Variants in TSHZ2 observed in about 807,000 individuals in gnomAD.
TSHZ2 encodes the protein teashirt zinc finger homeobox 2.
In TSHZ2, 21 loss-of-function variants were observed where a neutral mutation model predicts 74.4. The ratio of observed to expected loss-of-function variants is 0.28; its 90% confidence interval spans 0.20 to 0.41. The LOEUF (loss-of-function observed/expected upper bound fraction) is 0.41. Among genes scored for constraint, TSHZ2 ranks in the 10% least tolerant of loss-of-function variants. The probability of loss-of-function intolerance (pLI) is 1.00; values close to 1 mark genes in which losing one functional copy is unlikely to be tolerated. For missense variants in TSHZ2, 1,244 were observed against 1,293.5 expected, an observed-to-expected ratio of 0.96 and a Z score of 0.59; for synonymous variants, 540 against 515.3, an observed-to-expected ratio of 1.05 and a Z score of -0.65.
chr20:53,263,785 C>T (rs1248039355), intron 2 of TSHZ2, among the ~76,000 whole-genome samples: 2 of 152,178 alleles, frequency 1.3e-5, no homozygotes, highest in African/African-American at 4.8e-5. Context: ...TGGGCTCTAA[C>T]ATGAGTGCCA....
rs1267627634 is a variant in TSHZ2, at chr20:53,489,106, A to G, written c.*1971A>G. 1 of 456,270 alleles carries G rather than the reference A, an allele frequency of 2.2e-6. No individual in the cohort carries two copies. Among genetic ancestry groups the G allele is most frequent in the Non-Finnish European group, 4.4e-6 (1 of 226,964 alleles). 28.3% of individuals were successfully genotyped at this position (456,270 alleles called of 1,614,324 possible). ...GTCAGCACTCATCCATCAATCAATC[A>G]CCCACAAGGAAAAATAGCAACAGTA... is the stretch of plus-strand genomic sequence containing the variant. On this transcript the variant is annotated 3_prime_UTR_variant, in exon 3 of 3. Transcript: ENST00000371497.
At chr20:53,270,924 C>G (rs1381476794) in intron 2 of TSHZ2, among the ~76,000 whole-genome samples, 1 of 152,174 alleles carries the variant, frequency 6.6e-6, no homozygotes, top group East Asian at 1.9e-4. Context: ...CCCCCTCCCC[C>G]TGTACTTGCG....
chr20:53,226,119 A>AACACAC lies in TSHZ2; in HGVS notation c.41-27344_41-27339dup, dbSNP rs11470731. Among the ~76,000 whole-genome samples the AACACAC allele has an allele frequency of 3.1e-3, 463 of 147,638 alleles. 6 individuals carry two copies. Among genetic ancestry groups the AACACAC allele is most frequent in the South Asian group, 0.018 (80 of 4,498 alleles). ...AGAAGATGGCTCACAGACTAAATTT[A>AACACAC]ACACACACACACACACACACACACA... On this transcript the variant is annotated intron_variant, in intron 1 of 2. Coordinates refer to ENST00000371497, the MANE Select transcript of TSHZ2 (RefSeq NM_173485.6).
intron 2 of TSHZ2, among the ~76,000 whole-genome samples, chr20:53,389,100 T>C (rs557357229): frequency 5.9e-5 from 9 of 152,342 alleles, no homozygotes; most frequent in Non-Finnish European, 1.2e-4. Flanking sequence ...TGTGTGACCT[T>C]TTCCTCATCA....
At chr20:53,400,750 G>A (rs1052685100) in intron 2 of TSHZ2, among the ~76,000 whole-genome samples, 1 of 152,122 alleles carries the variant, frequency 6.6e-6, no homozygotes, top group Non-Finnish European at 1.5e-5. Context: ...CATCTAATGA[G>A]TTCATCTCAA....
chr20:53,109,244 G>A (rs937767042), intron 1 of TSHZ2, among the ~76,000 whole-genome samples: 7 of 152,192 alleles, frequency 4.6e-5, no homozygotes, highest in Admixed American at 2.6e-4. Context: ...ATGAGTTAGA[G>A]CTAAAGCTCT....
At chr20:53,392,977 C>T (rs1004528604) in intron 2 of TSHZ2, among the ~76,000 whole-genome samples, 2 of 152,128 alleles carry the variant, frequency 1.3e-5, no homozygotes, top group African/African-American at 4.8e-5. Flanking sequence ...GGGATTACCG[C>T]ATGCACCACC....
At chr20:53,143,881 G>C (rs1698026989) in intron 1 of TSHZ2, among the ~76,000 whole-genome samples, 1 of 152,058 alleles carries the variant, frequency 6.6e-6, no homozygotes, top group Non-Finnish European at 1.5e-5. Flanking sequence ...TGGGAGCCCG[G>C]AGTTTTATTG....
At chr20:53,132,323 T>C (rs1987127207) in intron 1 of TSHZ2, among the ~76,000 whole-genome samples, 1 of 151,720 alleles carries the variant, frequency 6.6e-6, no homozygotes, top group South Asian at 2.1e-4. Flanking sequence ...ATTTTTTTTT[T>C]TTTTTTGAGA....
chr20:52,984,910 C>T (rs1181562425), intron 1 of TSHZ2, among the ~76,000 whole-genome samples: 1 of 152,174 alleles, frequency 6.6e-6, no homozygotes, highest in Non-Finnish European at 1.5e-5. Context: ...ACTAGGTTAG[C>T]CATGAATATT....
chr20:53,388,902 G>A (rs1281629218), intron 2 of TSHZ2, among the ~76,000 whole-genome samples: 2 of 152,014 alleles, frequency 1.3e-5, no homozygotes, highest in Non-Finnish European at 2.9e-5. Flanking sequence ...AGTTTCAAGG[G>A]CCAGCTTAAA....
chr20:53,473,435 T>A (rs80273607), intron 2 of TSHZ2, among the ~76,000 whole-genome samples: 1 of 130,184 alleles, frequency 7.7e-6, no homozygotes, highest in Non-Finnish European at 1.6e-5. Context: ...AACAGACCTG[T>A]GGCTGAGGGT....
At chr20:53,133,989 C>A (rs1026442233) in intron 1 of TSHZ2, among the ~76,000 whole-genome samples, 1 of 101,652 alleles carries the variant, frequency 9.8e-6, no homozygotes, top group Non-Finnish European at 2.1e-5. Flanking sequence ...AAAAAATAGG[C>A]CACGTTTCAT....
chr20:53,344,041 C>T (rs1366835178), intron 2 of TSHZ2, among the ~76,000 whole-genome samples: 3 of 152,140 alleles, frequency 2.0e-5, no homozygotes, highest in Non-Finnish European at 4.4e-5. Context: ...TTCTTGTTCT[C>T]AAGCAAAATT....
intron 1 of TSHZ2, among the ~76,000 whole-genome samples, chr20:53,005,075 G>A (rs1056681617): frequency 6.6e-6 from 1 of 152,162 alleles, no homozygotes; most frequent in Non-Finnish European, 1.5e-5. Context: ...CACTTTGGGA[G>A]GCCGAGGCCA....
At chr20:53,051,450 G>GGC (rs1984457916) in intron 1 of TSHZ2, among the ~76,000 whole-genome samples, 7 of 93,324 alleles carry the variant, frequency 7.5e-5, no homozygotes, top group Admixed American at 5.7e-4. Context: ...ATTACTCTGT[G>GGC]GCGCACGCAC....
chr20:53,265,757 T>A (rs1189446336), intron 2 of TSHZ2, among the ~76,000 whole-genome samples: 1 of 152,226 alleles, frequency 6.6e-6, no homozygotes, highest in East Asian at 1.9e-4. Flanking sequence ...AGGTTTTACA[T>A]ACACATAAGT....
At chr20:53,280,756 G>C (rs905742875) in intron 2 of TSHZ2, among the ~76,000 whole-genome samples, 1 of 151,794 alleles carries the variant, frequency 6.6e-6, no homozygotes, top group Non-Finnish European at 1.5e-5. Context: ...ACAGTGGCGC[G>C]ATCTCAGCTC....
intron 1 of TSHZ2, among the ~76,000 whole-genome samples, chr20:53,247,260 C>T (rs1319473020): frequency 2.0e-5 from 3 of 152,178 alleles, no homozygotes; most frequent in Admixed American, 6.5e-5. Context: ...TGTGCATGAA[C>T]GTAGATCACT....
Sources: allele counts gnomAD v4.1 joint callset (sites outside exome capture counted in the v4.1 genomes callset), GRCh38; gene constraint gnomAD v4.1.1; transcripts MANE v1.5; gene names NCBI Gene and HGNC (gene_info 2026-07-23, HGNC 2026-07-21).